Variants in TENM2 observed in about 807,000 individuals in gnomAD.
TENM2 encodes the protein teneurin-2.
TENM2 carries 52 observed loss-of-function variants against 245.2 expected under a neutral mutation model. That is an observed-to-expected ratio of 0.21 (90% CI 0.17 to 0.27). TENM2 has a LOEUF of 0.27. TENM2 is among the 10% of genes least tolerant of loss of function. The pLI, the probability that TENM2 is intolerant of heterozygous loss-of-function variation, is 1.00. For missense variants in TENM2, 3,046 were observed against 3,666.8 expected (o/e 0.83, Z 4.37); for synonymous variants, 1,363 against 1,438.9 (o/e 0.95, Z 1.19).
chr5:167,498,549 G>C (rs752681246), intron 2 of TENM2, among the ~76,000 whole-genome samples: 1 of 152,000 alleles, frequency 6.6e-6, no homozygotes, highest in Non-Finnish European at 1.5e-5. Context: ...TGGTCTAAAC[G>C]TTTTGTTCTG....
chr5:167,387,262 G>C (rs914404560), intron 2 of TENM2, among the ~76,000 whole-genome samples: 6 of 151,548 alleles, frequency 4.0e-5, no homozygotes, highest in Admixed American at 2.6e-4. Flanking sequence ...TGTTGTTGTT[G>C]TTGTTGTTTT....
At chr5:167,739,231 C>CT (rs1761006534) in intron 2 of TENM2, among the ~76,000 whole-genome samples, 1 of 151,916 alleles carries the variant, frequency 6.6e-6, no homozygotes, top group Non-Finnish European at 1.5e-5. Flanking sequence ...TGGGAATAGT[C>CT]TATTTCTATT....
intron 2 of TENM2, among the ~76,000 whole-genome samples, chr5:167,459,926 ACACACACACG>A (rs1170619395): frequency 6.6e-6 from 1 of 151,570 alleles, no homozygotes; most frequent in Non-Finnish European, 1.5e-5. Context: ...ACACACACAC[ACACACACACG>A]CACACACACA....
At chr5:167,519,980 C>T (rs541545266) in intron 2 of TENM2, among the ~76,000 whole-genome samples, 2 of 152,222 alleles carry the variant, frequency 1.3e-5, no homozygotes, top group East Asian at 3.9e-4. Flanking sequence ...ATACCGAAAA[C>T]ATTCTAAAAC....
chr5:167,218,685 A>G, the TENM2 span, among the ~76,000 whole-genome samples: 1 of 152,228 alleles, frequency 6.6e-6, no homozygotes, highest in Non-Finnish European at 1.5e-5. Flanking sequence ...ATAAATGAAT[A>G]AAAGAAAACA....
At chr5:168,161,463 A>G (rs980458093) in intron 12 of TENM2, among the ~76,000 whole-genome samples, 2 of 152,220 alleles carry the variant, frequency 1.3e-5, no homozygotes, top group Non-Finnish European at 2.9e-5. Flanking sequence ...ATCGCATTGT[A>G]CACTTAAAAC....
At chr5:168,199,755 TAAG>T in intron 16 of TENM2, 106 bp from the exon 19 acceptor site, 1 of 1,210,186 alleles carries the variant, frequency 8.3e-7, no homozygotes, top group Middle Eastern at 2.8e-4. Context: ...TGCACCCACA[TAAG>T]ATGTGATGCC....
chr5:167,385,810 T>A (rs1761395078), intron 2 of TENM2, among the ~76,000 whole-genome samples: 2 of 151,874 alleles, frequency 1.3e-5, no homozygotes, highest in South Asian at 4.2e-4. Context: ...GTGAAAGCTA[T>A]TAATTCATTC....
intron 4 of TENM2, among the ~76,000 whole-genome samples, chr5:167,967,685 T>C (rs1351720846): frequency 6.6e-6 from 1 of 152,190 alleles, no homozygotes; most frequent in Non-Finnish European, 1.5e-5. Context: ...CAATTACAAA[T>C]TGAGACCACC....
intron 27 of TENM2, among the ~76,000 whole-genome samples, chr5:168,254,503 G>GGGGAGGAAGAGGAAGAAA (rs1191541540): frequency 2.8e-5 from 4 of 140,768 alleles, no homozygotes; most frequent in Admixed American, 7.1e-5. Context: ...AGAGGAAGAA[G>GGGGAGGAAGAGGAAGAAA]GGGAGGAAGA....
At chr5:167,639,221 A>G (rs901175281) in intron 2 of TENM2, among the ~76,000 whole-genome samples, 1 of 152,242 alleles carries the variant, frequency 6.6e-6, no homozygotes. Flanking sequence ...TGAAGACACA[A>G]TTTTGGCTGG....
At chr5:167,459,911 AACACACACACACACACACACACACGC>A (rs1766179485) in intron 2 of TENM2, among the ~76,000 whole-genome samples, 1 of 149,576 alleles carries the variant, frequency 6.7e-6, no homozygotes, top group Non-Finnish European at 1.5e-5. Flanking sequence ...TATAAAGATA[AACACACACACACACACACACACACGC>A]ACACACACAC....
intron 2 of TENM2, among the ~76,000 whole-genome samples, chr5:167,814,030 G>A (rs542272507): frequency 5.2e-4 from 79 of 152,074 alleles, no homozygotes; most frequent in Non-Finnish European, 8.8e-4. Flanking sequence ...CACTTAGGAC[G>A]TGAAGAAAGC....
chr5:167,954,126 AT>A (rs57436387), intron 4 of TENM2, among the ~76,000 whole-genome samples: 18,506 of 152,160 alleles, frequency 0.12, 1,684 homozygotes, highest in African/African-American at 0.24. Flanking sequence ...AGGGTGCTGC[AT>A]TATTATTATT....
At chr5:167,028,786 T>C in the TENM2 span, among the ~76,000 whole-genome samples, 1 of 152,054 alleles carries the variant, frequency 6.6e-6, no homozygotes, top group East Asian at 1.9e-4. Context: ...AGACACTAAA[T>C]TGGTTTCATC....
chr5:167,724,756 G>A (rs1759871964), intron 2 of TENM2, among the ~76,000 whole-genome samples: 1 of 152,164 alleles, frequency 6.6e-6, no homozygotes, highest in Admixed American at 6.5e-5. Context: ...TAATGTTCCA[G>A]GCAAGGGTAA....
At chr5:167,061,060 TA>T in the TENM2 span, among the ~76,000 whole-genome samples, 1 of 150,702 alleles carries the variant, frequency 6.6e-6, no homozygotes, top group East Asian at 2.0e-4. Flanking sequence ...ATTTTACTTC[TA>T]GGGGTGGTGC....
the TENM2 span, among the ~76,000 whole-genome samples, chr5:167,109,217 T>C: frequency 3.9e-5 from 6 of 151,990 alleles, no homozygotes; most frequent in African/African-American, 1.4e-4. Flanking sequence ...TAGAACACTT[T>C]TAAAATCTTT....
At chr5:167,072,231 A>C in the TENM2 span, among the ~76,000 whole-genome samples, 1 of 152,224 alleles carries the variant, frequency 6.6e-6, no homozygotes, top group East Asian at 1.9e-4. Context: ...TGACTTGAGC[A>C]AAACAGAGAA....
Sources: allele counts gnomAD v4.1 joint callset (sites outside exome capture counted in the v4.1 genomes callset), GRCh38; gene constraint gnomAD v4.1.1; transcripts MANE v1.5; gene names NCBI Gene and HGNC (gene_info 2026-07-23, HGNC 2026-07-21).